The following NUP155 variants were observed in gnomAD, a reference collection of about 807,000 sequenced individuals.
NUP155 encodes nucleoporin 155, also known as nuclear pore complex protein Nup155.
Under a neutral mutation model 180.4 loss-of-function variants are expected in NUP155, and 71 were observed. The ratio of observed to expected loss-of-function variants is 0.39; its 90% CI spans 0.33 to 0.48. The LOEUF is 0.48. Among genes scored for constraint, NUP155 ranks in the 20% least tolerant of loss-of-function variants. NUP155 has a pLI of 0.91. For synonymous variants in NUP155, 582 were observed against 559.5 expected (o/e 1.04, Z -0.57); for missense variants, 1,553 against 1,648.9 (o/e 0.94, Z 1.01).
rs1391670457 is a variant in NUP155, at chr5:37,307,308, G to A, written c.2892C>T (p.Ala964=). 13 of 1,613,794 alleles carry A rather than the reference G, an allele frequency of 8.1e-6. No individual in the cohort carries two copies. Among genetic ancestry groups the A allele is most frequent in the Non-Finnish European group, 1.1e-5 (13 of 1,179,922 alleles). ...EPEEDIVGLQ[A]FQERLNSYKC... Reference sequence around the variant, plus strand: ...GTAATGGAATGCACCTTTCTTGGAAGGCCTGAAGTCCAACTATGTCTTCTT... The same window carrying A: ...GTAATGGAATGCACCTTTCTTGGAAAGCCTGAAGTCCAACTATGTCTTCTT... The change falls in exon 25 of 35, where the codon GCC becomes GCT. Residue 964 remains alanine (A), a synonymous_variant. Coordinates refer to ENST00000231498, the MANE Select transcript of NUP155 (RefSeq NM_153485.3).
At chr5:37,361,265 C>CAAAAAAAA (rs35489900) in intron 3 of NUP155, among the ~76,000 whole-genome samples, 14 of 78,008 alleles carry the variant, frequency 1.8e-4, no homozygotes, top group African/African-American at 6.5e-4. Flanking sequence ...GACTCTGTCT[C>CAAAAAAAA]AAAAAAAAAA....
intron 9 of NUP155, among the ~76,000 whole-genome samples, chr5:37,346,281 A>C (rs1192796926): frequency 6.6e-6 from 1 of 152,172 alleles, no homozygotes; most frequent in Admixed American, 6.5e-5. Context: ...CTGTCTGAAA[A>C]AAAAAACAAA....
At chr5:37,367,918 G>A (rs1747707447) in intron 1 of NUP155, among the ~76,000 whole-genome samples, 1 of 152,050 alleles carries the variant, frequency 6.6e-6, no homozygotes, top group African/African-American at 2.4e-5. Flanking sequence ...TGAATAACTG[G>A]GATTACAGCC....
intron 1 of NUP155, among the ~76,000 whole-genome samples, chr5:37,367,283 C>T (rs1047974340): frequency 1.3e-5 from 2 of 151,550 alleles, no homozygotes; most frequent in East Asian, 1.9e-4. Flanking sequence ...AGTGCAATGG[C>T]GGCTCACTGC....
At position 37,290,714 on chromosome 5, in the gene NUP155, A is replaced by G. The variant is rs1440226181; in HGVS notation, c.*1186T>C. Reference sequence around the variant, plus strand: ...AGCCAGATAGGTAGCTCAGTCCATAAACTATGGAAGGTAGCAGTATCCTTT... The same window carrying G: ...AGCCAGATAGGTAGCTCAGTCCATAGACTATGGAAGGTAGCAGTATCCTTT... On this transcript the variant is annotated 3_prime_UTR_variant, in exon 35 of 35. Transcript: ENST00000231498. The G allele has an allele frequency of 6.6e-6, 1 of 152,182 alleles. No individual in the cohort carries two copies. Among genetic ancestry groups the G allele is most frequent in the East Asian group, 1.9e-4 (1 of 5,194 alleles). The allele number at this position is 152,182 out of a possible 1,614,324, so 9.4% of individuals were successfully genotyped here.
At chr5:37,370,574 G>C in intron 1 of NUP155, 1 of 1,153,292 alleles carries the variant, frequency 8.7e-7, no homozygotes, top group East Asian at 2.8e-5. Context: ...TAAGGTTGAG[G>C]TCTTTGCCTC....
intron 22 of NUP155, among the ~76,000 whole-genome samples, chr5:37,311,060 G>A (rs1743495601): frequency 6.6e-6 from 1 of 152,110 alleles, no homozygotes; most frequent in African/African-American, 2.4e-5. Context: ...GGCTATATTT[G>A]AAAATCTTGG....
intron 1 of NUP155, among the ~76,000 whole-genome samples, chr5:37,369,686 T>A (rs928124402): frequency 7.2e-5 from 11 of 152,244 alleles, no homozygotes; most frequent in African/African-American, 2.7e-4. Flanking sequence ...TTTGTTTCTA[T>A]CATTTCTTTG....
chr5:37,351,437 T>C (rs1375414400), intron 5 of NUP155, 81 bp from the exon 6 acceptor site: 3 of 1,024,170 alleles, frequency 2.9e-6, no homozygotes, highest in African/African-American at 3.2e-5. Context: ...TCAGAATCTA[T>C]ATGTTTACTC....
chr5:37,368,205 A>C (rs1015010739), intron 1 of NUP155, among the ~76,000 whole-genome samples: 3 of 123,670 alleles, frequency 2.4e-5, no homozygotes, highest in South Asian at 2.7e-4. Flanking sequence ...GCACAGCGCC[A>C]GGCCTTTTTT....
chr5:37,303,414 C>A lies in NUP155; in HGVS notation c.3163G>T (p.Val1055Phe). The A allele has an allele frequency of 6.2e-7, 1 of 1,613,630 alleles. No individual in the cohort carries two copies. The highest frequency in any genetic ancestry group is 8.5e-7 in the Non-Finnish European group (1 of 1,179,702). ...QVDLADKLLQ[V>F]ASPFLEPHLV... ...TGTGGCTCCAGAAATGGAGAAGCAACCTAGAAATTATATAGTTATTCAGAA... is the reference window on the plus strand; with the variant it reads ...TGTGGCTCCAGAAATGGAGAAGCAAACTAGAAATTATATAGTTATTCAGAA... The change falls in exon 28 of 35, where the codon GTT (valine) becomes TTT (phenylalanine). Residue 1055 changes from valine (V) to phenylalanine (F), a missense_variant and splice_region_variant. Transcript: ENST00000231498.
At chr5:37,361,463 T>C (rs1747219590) in intron 3 of NUP155, among the ~76,000 whole-genome samples, 1 of 152,154 alleles carries the variant, frequency 6.6e-6, no homozygotes, top group Non-Finnish European at 1.5e-5. Flanking sequence ...CCAGTCATCC[T>C]GAAAAGGCCA....
At chr5:37,305,018 C>T in intron 26 of NUP155, 39 bp downstream of exon 26, 6 of 1,604,788 alleles carry the variant, frequency 3.7e-6, no homozygotes, top group Non-Finnish European at 5.1e-6. Context: ...AACTTCTAAA[C>T]AGTGTATTCT....
intron 32 of NUP155, among the ~76,000 whole-genome samples, chr5:37,298,237 C>CAAAA (rs11390520): frequency 2.0e-5 from 2 of 100,548 alleles, no homozygotes; most frequent in African/African-American, 6.6e-5. Context: ...GCCTCTGTCT[C>CAAAA]AAAAAAAAAA....
chr5:37,301,344 TA>T (rs1175738163), intron 30 of NUP155, 92 bp downstream of exon 30: 6 of 763,714 alleles, frequency 7.9e-6, no homozygotes, highest in Non-Finnish European at 1.4e-5. Context: ...GGAGATAAGG[TA>T]ATTTTCCCCA....
chr5:37,330,854 A>G (rs1299070332), intron 14 of NUP155, among the ~76,000 whole-genome samples: 1 of 152,170 alleles, frequency 6.6e-6, no homozygotes, highest in Non-Finnish European at 1.5e-5. Flanking sequence ...TTCAATAAGA[A>G]TTTATCAACA....
chr5:37,363,601 C>T (rs16903602), intron 3 of NUP155, among the ~76,000 whole-genome samples: 7,023 of 152,220 alleles, frequency 0.046, 556 homozygotes, highest in African/African-American at 0.16. Flanking sequence ...TCTATTTTTA[C>T]TACGGGCTAA....
Position 37,324,590 on chromosome 5 carries a change from G to A in NUP155, c.2092-483C>T, listed in dbSNP as rs558323964. Among the ~76,000 whole-genome samples, 99 of 151,358 alleles carry A rather than the reference G, an allele frequency of 6.5e-4. 1 individual carries two copies. The South Asian group carries it at 0.015, about 23-fold the overall frequency. Reference sequence around the variant, plus strand: ...TTTTTTTTTTGAGAGACAGCGTCTTGTTGTTGCCTGGGAGTGTAGTGGCGC... The same window carrying A: ...TTTTTTTTTTGAGAGACAGCGTCTTATTGTTGCCTGGGAGTGTAGTGGCGC... On this transcript the variant is annotated intron_variant, in intron 19 of 34. Transcript: ENST00000231498.
At chr5:37,355,067 G>C (rs1207774113) in intron 4 of NUP155, among the ~76,000 whole-genome samples, 1 of 151,402 alleles carries the variant, frequency 6.6e-6, no homozygotes, top group Non-Finnish European at 1.5e-5. Flanking sequence ...ACTCCAGCCT[G>C]GGCGACAGAA....
Sources: allele counts gnomAD v4.1 joint callset (sites outside exome capture counted in the v4.1 genomes callset), GRCh38; gene constraint gnomAD v4.1.1; transcripts MANE v1.5; gene names NCBI Gene and HGNC (gene_info 2026-07-23, HGNC 2026-07-21).